Variants in SGCZ observed in about 807,000 individuals in gnomAD.
The protein encoded by SGCZ is zeta-sarcoglycan.
SGCZ carries 40 observed loss-of-function variants against 41.3 expected under a neutral mutation model. That is an observed-to-expected ratio of 0.97 (90% CI 0.75 to 1.26). The LOEUF (loss-of-function observed/expected upper bound fraction) is 1.26, where lower values mean the gene tolerates loss of function less well. Ranked by LOEUF, SGCZ falls within the 50% of genes most tolerant of loss-of-function variation. SGCZ has a pLI of 0.00. For missense variants in SGCZ, 552 were observed against 369.8 expected, an observed-to-expected ratio of 1.49 and a Z score of -4.04; for synonymous variants, 206 against 137.5, an observed-to-expected ratio of 1.50 and a Z score of -3.49.
chr8:14,234,094 A>T (rs922541047), intron 4 of SGCZ, among the ~76,000 whole-genome samples: 1 of 152,074 alleles, frequency 6.6e-6, no homozygotes, highest in African/African-American at 2.4e-5. Context: ...AAATTCATAA[A>T]GCCTGGAACT....
chr8:14,356,216 T>G (rs182011002), intron 2 of SGCZ, among the ~76,000 whole-genome samples: 2 of 152,180 alleles, frequency 1.3e-5, no homozygotes, highest in African/African-American at 4.8e-5. Flanking sequence ...GTTCGGTAGA[T>G]TAGGTGCATA....
chr8:14,670,556 A>G (rs11203654), intron 1 of SGCZ, among the ~76,000 whole-genome samples: 82,002 of 151,238 alleles, frequency 0.54, 23,689 homozygotes, highest in East Asian at 0.74. Context: ...GATTAATTTG[A>G]GGCTAATGGG....
At chr8:14,873,513 T>C (rs1488971000) in intron 1 of SGCZ, among the ~76,000 whole-genome samples, 3 of 152,212 alleles carry the variant, frequency 2.0e-5, no homozygotes, top group Non-Finnish European at 4.4e-5. Context: ...GTTCTTTAAG[T>C]TGGAACACAC....
rs943610736 is a variant in SGCZ at position 15,004,870 on chromosome 8, G to A, written c.39+232715C>T. Reference sequence around the variant, plus strand: ...CAAGTGTTTATCGCAATGAACTGACGGGTTCTTTGTGTGCTGTTCAAATAC... The same window carrying A: ...CAAGTGTTTATCGCAATGAACTGACAGGTTCTTTGTGTGCTGTTCAAATAC... On this transcript the variant is annotated intron_variant, in intron 1 of 7. Coordinates refer to ENST00000382080, the MANE Select transcript of SGCZ (RefSeq NM_139167.4). Among the ~76,000 whole-genome samples, 5 of 51,338 alleles carry A rather than the reference G, an allele frequency of 9.7e-5. No individual in the cohort carries two copies. In the East Asian group the frequency reaches 1.4e-3, roughly 14 times the overall value. The allele number at this position is 51,338 out of a possible 152,430, so 33.7% of individuals were successfully genotyped here. A position where few individuals can be genotyped will look rare whatever the true frequency, so the allele number is the denominator to read the frequency against.
rs546444936 is a variant in SGCZ at position 14,869,340 on chromosome 8, CAT to C, written c.40-314416_40-314415del. On this transcript the variant is annotated intron_variant, in intron 1 of 7. Transcript: ENST00000382080. ...TATACAGAATCAATCACAAAAAACA[CAT>C]GATTATCTCAATAGATGCAGAAAAA... Among the ~76,000 whole-genome samples, 178 of 152,262 alleles carry C rather than the reference CAT, an allele frequency of 1.2e-3. 1 individual carries two copies. Among genetic ancestry groups the C allele is most frequent in the Non-Finnish European group, 2.1e-3 (146 of 68,030 alleles).
chr8:14,511,302 C>T (rs867237153), intron 2 of SGCZ, among the ~76,000 whole-genome samples: 11 of 151,980 alleles, frequency 7.2e-5, no homozygotes, highest in African/African-American at 2.7e-4. Flanking sequence ...TTTTTTAAAT[C>T]TTCTACTCTA....
At chr8:14,795,942 T>A (rs1801113280) in intron 1 of SGCZ, among the ~76,000 whole-genome samples, 1 of 152,192 alleles carries the variant, frequency 6.6e-6, no homozygotes. Flanking sequence ...TTTCTGTTCC[T>A]GTGTTAGTTT....
intron 1 of SGCZ, among the ~76,000 whole-genome samples, chr8:14,756,888 T>C (rs1799688771): frequency 6.6e-6 from 1 of 152,128 alleles, no homozygotes; most frequent in Non-Finnish European, 1.5e-5. Context: ...GTGGTAAGTA[T>C]CACACTCTAA....
chr8:14,934,081 A>G (rs1800009604), intron 1 of SGCZ, among the ~76,000 whole-genome samples: 1 of 152,036 alleles, frequency 6.6e-6, no homozygotes, highest in Non-Finnish European at 1.5e-5. Context: ...CCAATAATTT[A>G]TACTAAATAT....
intron 1 of SGCZ, among the ~76,000 whole-genome samples, chr8:15,076,866 C>A (rs1805552635): frequency 6.7e-6 from 1 of 149,762 alleles, no homozygotes; most frequent in African/African-American, 2.5e-5. Flanking sequence ...AAAGAGATTT[C>A]TTTGGAGTGC....
chr8:15,056,024 C>T (rs963521560), intron 1 of SGCZ, among the ~76,000 whole-genome samples: 4 of 152,184 alleles, frequency 2.6e-5, no homozygotes, highest in African/African-American at 9.7e-5. Flanking sequence ...TATCCTCCTG[C>T]TGTTCATTTT....
intron 1 of SGCZ, among the ~76,000 whole-genome samples, chr8:14,687,823 T>G (rs909182080): frequency 6.6e-6 from 1 of 152,008 alleles, no homozygotes; most frequent in South Asian, 2.1e-4. Flanking sequence ...AGTGTAAAAG[T>G]GTTCCTATTT....
At chr8:14,728,526 T>G (rs1810133768) in intron 1 of SGCZ, among the ~76,000 whole-genome samples, 1 of 152,200 alleles carries the variant, frequency 6.6e-6, no homozygotes, top group East Asian at 1.9e-4. Flanking sequence ...TTATGAATAG[T>G]AAAATAATGG....
At chr8:15,177,550 G>T (rs1026798474) in intron 1 of SGCZ, among the ~76,000 whole-genome samples, 1 of 152,096 alleles carries the variant, frequency 6.6e-6, no homozygotes, top group African/African-American at 2.4e-5. Flanking sequence ...TAAAAAGAAA[G>T]AAAATAGAAG....
chr8:15,167,255 C>G (rs1190882864), intron 1 of SGCZ, among the ~76,000 whole-genome samples: 3 of 152,294 alleles, frequency 2.0e-5, no homozygotes, highest in South Asian at 2.1e-4. Flanking sequence ...ATTATTTTAC[C>G]AAGGCTTTGA....
At chr8:14,552,496 T>G (rs1250824526) in intron 2 of SGCZ, among the ~76,000 whole-genome samples, 1 of 152,016 alleles carries the variant, frequency 6.6e-6, no homozygotes, top group East Asian at 1.9e-4. Flanking sequence ...AAAACATAAT[T>G]TTTTAAAAGA....
chr8:15,016,050 A>T (rs34632821), intron 1 of SGCZ, among the ~76,000 whole-genome samples: 51,356 of 151,838 alleles, frequency 0.34, 10,052 homozygotes, highest in South Asian at 0.46. Flanking sequence ...AACTAATTTA[A>T]CTCCCCTCCA....
At chr8:14,839,671 G>T (rs1802831691) in intron 1 of SGCZ, among the ~76,000 whole-genome samples, 1 of 151,858 alleles carries the variant, frequency 6.6e-6, no homozygotes, top group Admixed American at 6.6e-5. Context: ...TCTTTTTAAG[G>T]ACTTTTTTGT....
chr8:14,323,983 G>A (rs1802011085), intron 3 of SGCZ, 120 bp downstream of exon 3: 3 of 622,230 alleles, frequency 4.8e-6, no homozygotes, highest in Non-Finnish European at 8.3e-6. Flanking sequence ...AAACATAGGT[G>A]TTTAGCTTAA....
Sources: allele counts gnomAD v4.1 joint callset (sites outside exome capture counted in the v4.1 genomes callset), GRCh38; gene constraint gnomAD v4.1.1; transcripts MANE v1.5; gene names NCBI Gene and HGNC (gene_info 2026-07-23, HGNC 2026-07-21).